Variants in ZNF143 observed in about 807,000 individuals in gnomAD.
The protein encoded by ZNF143 is SPH-binding factor.
In ZNF143, 49 loss-of-function variants were observed where a neutral mutation model predicts 74.1. That is an observed-to-expected ratio of 0.66 (90% CI 0.53 to 0.84). ZNF143 has a LOEUF of 0.84. Among genes scored for constraint, ZNF143 ranks in the 40% least tolerant of loss-of-function variants. ZNF143 has a pLI of 0.00. For missense variants in ZNF143, 637 were observed against 793.4 expected, an observed-to-expected ratio of 0.80 and a Z score of 2.37; for synonymous variants, 304 against 282.8, an observed-to-expected ratio of 1.07 and a Z score of -0.75.
intron 12 of ZNF143, among the ~76,000 whole-genome samples, chr11:9,511,282 T>A (rs1848534216): frequency 6.6e-6 from 1 of 151,160 alleles, no homozygotes; most frequent in Non-Finnish European, 1.5e-5. Context: ...CGCCTAATTT[T>A]GTGTTTTTGT....
At chr11:9,475,918 G>A (rs866321019) in intron 5 of ZNF143, among the ~76,000 whole-genome samples, 1,371 of 118,562 alleles carry the variant, frequency 0.012, 30 homozygotes, top group African/African-American at 0.037. Context: ...ATATGTGTGT[G>A]TGTGTGTGTG....
At chr11:9,476,883 C>T (rs1307176660) in intron 5 of ZNF143, among the ~76,000 whole-genome samples, 5 of 145,866 alleles carry the variant, frequency 3.4e-5, no homozygotes, top group African/African-American at 1.0e-4. Context: ...CCTCAGCCTT[C>T]GGAGTAGCTG....
chr11:9,495,364 C>T (rs1410577569), intron 8 of ZNF143, among the ~76,000 whole-genome samples: 3 of 152,126 alleles, frequency 2.0e-5, no homozygotes, highest in African/African-American at 7.2e-5. Context: ...TTGCTTGAAC[C>T]CGGGAGGCAG....
intron 11 of ZNF143, among the ~76,000 whole-genome samples, chr11:9,507,105 G>A (rs917192201): frequency 3.9e-5 from 6 of 152,156 alleles, no homozygotes; most frequent in Non-Finnish European, 7.3e-5. Flanking sequence ...GGAAGAAATC[G>A]CCAATTACTT....
At chr11:9,461,468 C>T (rs1000157718) in intron 1 of ZNF143, among the ~76,000 whole-genome samples, 3 of 152,162 alleles carry the variant, frequency 2.0e-5, no homozygotes, top group Admixed American at 6.5e-5. Flanking sequence ...CCAGGCGCCG[C>T]CGAGGCAGAG....
At chr11:9,505,508 G>A (rs572833870) in intron 11 of ZNF143, among the ~76,000 whole-genome samples, 1 of 151,898 alleles carries the variant, frequency 6.6e-6, no homozygotes, top group Non-Finnish European at 1.5e-5. Context: ...GACCTCAGGT[G>A]AGCCACCACG....
At chr11:9,467,711 G>A (rs1413022456) in intron 1 of ZNF143, among the ~76,000 whole-genome samples, 1 of 152,012 alleles carries the variant, frequency 6.6e-6, no homozygotes, top group Non-Finnish European at 1.5e-5. Flanking sequence ...CCTGGGCATG[G>A]TGGTGTGCGC....
intron 10 of ZNF143, among the ~76,000 whole-genome samples, chr11:9,498,456 A>AT (rs1848046704): frequency 6.6e-6 from 1 of 152,232 alleles, no homozygotes; most frequent in African/African-American, 2.4e-5. Context: ...TTTCTCCTGC[A>AT]TTAAGTAGCT....
chr11:9,467,219 G>C (rs1856287403), intron 1 of ZNF143, among the ~76,000 whole-genome samples: 1 of 140,808 alleles, frequency 7.1e-6, no homozygotes, highest in African/African-American at 2.6e-5. Context: ...CTTAAGTGAG[G>C]GGATGAAAAA....
At chr11:9,470,210 C>T (rs1856489199) in intron 1 of ZNF143, among the ~76,000 whole-genome samples, 1 of 152,128 alleles carries the variant, frequency 6.6e-6, no homozygotes, top group African/African-American at 2.4e-5. Context: ...AAGAGTTGCC[C>T]ATTCATCCAT....
intron 1 of ZNF143, chr11:9,463,918 A>G (rs932741787): frequency 2.0e-5 from 3 of 152,204 alleles, no homozygotes; most frequent in Non-Finnish European, 4.4e-5. Context: ...ACAGATAACT[A>G]TATACATTTT....
chr11:9,466,067 C>G (rs1431123616), intron 1 of ZNF143, among the ~76,000 whole-genome samples: 1 of 149,910 alleles, frequency 6.7e-6, no homozygotes, highest in African/African-American at 2.5e-5. Context: ...ACTGCAACCT[C>G]CAGCTCCCAG....
intron 5 of ZNF143, among the ~76,000 whole-genome samples, chr11:9,475,910 A>ATG (rs61636956): frequency 0.26 from 35,694 of 136,770 alleles, 4,623 homozygotes; most frequent in Middle Eastern, 0.38. Context: ...AAAAATATAT[A>ATG]TGTGTGTGTG....
intron 5 of ZNF143, among the ~76,000 whole-genome samples, chr11:9,476,159 T>A (rs1239420188): frequency 6.6e-6 from 1 of 152,022 alleles, no homozygotes; most frequent in Non-Finnish European, 1.5e-5. Context: ...GCTACTTTTT[T>A]TTTGCTGTGT....
At chr11:9,516,747 A>G (rs1439831005) in intron 14 of ZNF143, among the ~76,000 whole-genome samples, 4 of 152,240 alleles carry the variant, frequency 2.6e-5, no homozygotes, top group Non-Finnish European at 5.9e-5. Context: ...AAAAATATAT[A>G]CAGGTATGTA....
chr11:9,496,672 C>T (rs1025346382), intron 9 of ZNF143, among the ~76,000 whole-genome samples: 53 of 151,898 alleles, frequency 3.5e-4, no homozygotes, highest in Non-Finnish European at 8.8e-5. Context: ...TCTTGGCTCA[C>T]TGCAACCTCC....
At position 9,493,896 on chromosome 11, in the gene ZNF143, A is replaced by C. The variant is rs1377668; in HGVS notation, c.646-750A>C. 7.2e-3 allele frequency among the ~76,000 whole-genome samples: 1,101 copies of C among 152,322 alleles called. 14 individuals carry two copies. The highest frequency in any genetic ancestry group is 0.025 in the African/African-American group (1,043 of 41,578). ...TATAAGTACAGAGTAGTAGTATCAT[A>C]TGGATTGTAATGTTTCCTTTAGGTG... On this transcript the variant is annotated intron_variant, in intron 7 of 15. Transcript: ENST00000396602.
At chr11:9,478,111 C>T (rs1847087856) in intron 5 of ZNF143, among the ~76,000 whole-genome samples, 1 of 152,244 alleles carries the variant, frequency 6.6e-6, no homozygotes, top group South Asian at 2.1e-4. Flanking sequence ...TAGGCTTGAG[C>T]CACTGCACCC....
At chr11:9,479,792 T>A (rs1847166004) in intron 7 of ZNF143, among the ~76,000 whole-genome samples, 1 of 152,170 alleles carries the variant, frequency 6.6e-6, no homozygotes, top group African/African-American at 2.4e-5. Context: ...TGTGCTGGAT[T>A]CCAAGGCAGT....
Sources: gnomAD v4.1 joint callset for allele counts (sites outside exome capture counted in the v4.1 genomes callset) on GRCh38, gnomAD v4.1.1 for gene constraint, MANE v1.5 for transcripts, NCBI Gene and HGNC (gene_info 2026-07-23, HGNC 2026-07-21) for gene names.